Variants in NRG2 observed in about 807,000 individuals in gnomAD.
NRG2 encodes pro-neuregulin-2, membrane-bound isoform.
In NRG2, 27 loss-of-function variants were observed where a neutral mutation model predicts 73.9. The observed-to-expected ratio is 0.37, with a 90% CI of 0.27 to 0.50. The LOEUF is 0.50. NRG2 is among the 20% of genes least tolerant of loss of function. The pLI is 0.96. For missense variants in NRG2, 1,126 were observed against 1,210.1 expected (o/e 0.93, Z 1.03); for synonymous variants, 532 against 541.0 (o/e 0.98, Z 0.23).
chr5:139,872,606 C>T (rs1472277599), intron 3 of NRG2, among the ~76,000 whole-genome samples: 8 of 152,208 alleles, frequency 5.3e-5, no homozygotes, highest in African/African-American at 1.4e-4. Context: ...CCATAAATCA[C>T]GGGTTTCAAG....
At chr5:140,041,807 A>G (rs1761942130) in intron 1 of NRG2, among the ~76,000 whole-genome samples, 1 of 151,940 alleles carries the variant, frequency 6.6e-6, no homozygotes, top group African/African-American at 2.4e-5. Context: ...AAAAAGTCCA[A>G]CTCTGCCTGC....
At chr5:139,938,915 AAG>A (rs1217845718) in intron 1 of NRG2, among the ~76,000 whole-genome samples, 3 of 125,184 alleles carry the variant, frequency 2.4e-5, no homozygotes, top group Non-Finnish European at 5.1e-5. Context: ...AAAAGAAAGA[AAG>A]AAAGAAAGAA....
intron 1 of NRG2, among the ~76,000 whole-genome samples, chr5:139,899,182 G>A (rs911157821): frequency 1.3e-5 from 2 of 152,198 alleles, no homozygotes; most frequent in Non-Finnish European, 2.9e-5. Flanking sequence ...GAACTGACAG[G>A]CCCTCTACAG....
Position 139,907,901 on chromosome 5 carries a change from G to A in NRG2, c.701-20390C>T, listed in dbSNP as rs115913031. Among the ~76,000 whole-genome samples, 737 of 152,316 alleles carry A rather than the reference G, an allele frequency of 4.8e-3. 6 individuals are homozygous for A. Among genetic ancestry groups the A allele is most frequent in the African/African-American group, 0.017 (692 of 41,560 alleles). On this transcript the variant is annotated intron_variant, in intron 1 of 9. Coordinates refer to ENST00000361474, the MANE Select transcript of NRG2 (RefSeq NM_004883.3). ...AACTATGGGAGCTGCAAATACACAC[G>A]GAAAACACTTACGGGACACGTACTA...
intron 1 of NRG2, among the ~76,000 whole-genome samples, chr5:139,986,885 G>A (rs141346046): frequency 2.0e-5 from 3 of 152,120 alleles, no homozygotes; most frequent in East Asian, 1.9e-4. Flanking sequence ...CATAAACTTC[G>A]GTAATTAATT....
At chr5:139,999,306 G>C (rs931261740) in intron 1 of NRG2, among the ~76,000 whole-genome samples, 1 of 152,158 alleles carries the variant, frequency 6.6e-6, no homozygotes, top group Non-Finnish European at 1.5e-5. Flanking sequence ...CCCAATTCTT[G>C]TATTAGATTC....
Position 139,852,813 on chromosome 5 carries a change from T to C in NRG2, c.1416+91A>G. On this transcript the variant is annotated intron_variant, in intron 7 of 9. Transcript: ENST00000361474. This position sits in a 1 kb window ranked among gnomAD's most constrained non-coding sequence, Gnocchi z 4.4. The stretch of plus-strand genomic sequence containing the variant: ...AGGCAAGGCTGGCCATGGGATAGGC[T>C]GGCTGCTGCCCTGGCCCATCCTTGC... 1 of 1,576,226 alleles carries C rather than the reference T, an allele frequency of 6.3e-7. No individual in the cohort carries two copies.
chr5:139,858,207 C>T (rs568768314), intron 5 of NRG2, among the ~76,000 whole-genome samples: 13 of 152,178 alleles, frequency 8.5e-5, no homozygotes, highest in Non-Finnish European at 1.5e-4. Context: ...CCTCTCCCTG[C>T]GTTCACTGTG....
intron 1 of NRG2, among the ~76,000 whole-genome samples, chr5:139,895,658 T>C (rs748792060): frequency 4.6e-5 from 7 of 152,186 alleles, no homozygotes; most frequent in African/African-American, 7.2e-5. Context: ...TGGGCCTCAG[T>C]TGACTCATTT....
intron 9 of NRG2, among the ~76,000 whole-genome samples, chr5:139,849,997 C>T (rs368522253): frequency 3.5e-4 from 53 of 152,334 alleles, no homozygotes; most frequent in Admixed American, 2.1e-3. Context: ...CCCTACAGCC[C>T]ACTCTGTTCC....
At chr5:139,872,530 C>T (rs1762931426) in intron 3 of NRG2, among the ~76,000 whole-genome samples, 1 of 152,144 alleles carries the variant, frequency 6.6e-6, no homozygotes, top group Non-Finnish European at 1.5e-5. Context: ...CCCAGACAGC[C>T]CCCTCCTCCC....
chr5:139,867,806 G>GTA lies in NRG2; in HGVS notation c.1113-2182_1113-2181insTA, dbSNP rs1304683155. Among the ~76,000 whole-genome samples, 148 of 131,892 alleles carry GTA rather than the reference G, an allele frequency of 1.1e-3. 1 individual carries two copies. Among genetic ancestry groups the GTA allele is most frequent in the African/African-American group, 4.0e-3 (140 of 35,272 alleles). 86.5% of individuals were successfully genotyped at this position (131,892 alleles called of 152,430 possible). ...TGTGTGTGTGTGTGTGTATGAGTGT[G>GTA]TGTGTGTGTGTGTGTGTGTGTGTGT... is the stretch of plus-strand genomic sequence containing the variant. On this transcript the variant is annotated intron_variant, in intron 4 of 9. Coordinates refer to ENST00000361474, the MANE Select transcript of NRG2 (RefSeq NM_004883.3).
chr5:139,881,806 A>AG (rs900550111), intron 2 of NRG2, among the ~76,000 whole-genome samples: 1 of 152,232 alleles, frequency 6.6e-6, no homozygotes, highest in African/African-American at 2.4e-5. Context: ...CTTTGCACCT[A>AG]GTCCCTGCAT....
chr5:139,954,331 G>A lies in NRG2; in HGVS notation c.701-66820C>T, dbSNP rs957466189. On this transcript the variant is annotated intron_variant, in intron 1 of 9. Transcript: ENST00000361474. This position sits in a 1 kb window ranked among gnomAD's most constrained non-coding sequence, Gnocchi z 5.0. The stretch of plus-strand genomic sequence containing the variant: ...CTGTCTAGCCCCAGGTCCCAAGGTC[G>A]CCCATGTCAGCACCTATAGTGGACA... Among the ~76,000 whole-genome samples the A allele has an allele frequency of 6.6e-5, 10 of 152,112 alleles. No homozygotes were observed. The highest frequency in any genetic ancestry group is 2.1e-4 in the South Asian group (1 of 4,828).
intron 1 of NRG2, among the ~76,000 whole-genome samples, chr5:140,014,564 C>G (rs2126651869): frequency 6.6e-6 from 1 of 152,164 alleles, no homozygotes; most frequent in South Asian, 2.1e-4. Flanking sequence ...TCCTCCTTTT[C>G]TGTCTCACTC....
rs1440911990 is a variant in NRG2, at chr5:140,008,362, C to T, written c.700+34008G>A. ...GGATAGCTGACCACACAACTGTTTG[C>T]TGCATTTATTCAACAAATATTTATT... On this transcript the variant is annotated intron_variant, in intron 1 of 9. Coordinates refer to ENST00000361474, the MANE Select transcript of NRG2 (RefSeq NM_004883.3). This position sits in a 1 kb window ranked among gnomAD's most constrained non-coding sequence, Gnocchi z 4.2. Among the ~76,000 whole-genome samples, 1 of 152,178 alleles carries T rather than the reference C, an allele frequency of 6.6e-6. No individual in the cohort carries two copies. The highest frequency in any genetic ancestry group is 1.5e-5 in the Non-Finnish European group (1 of 68,038).
Position 139,904,167 on chromosome 5 carries a change from G to A in NRG2, c.701-16656C>T. On this transcript the variant is annotated intron_variant, in intron 1 of 9. Transcript: ENST00000361474. The surrounding 1 kb of genome is among the most constrained non-coding windows in gnomAD (Gnocchi z 6.0). ...GGCCGCGACGACCCGCTCGCACGCAGGCACGCGCGCCCTCGGTGCCTGTCA... is the reference window on the plus strand; with the variant it reads ...GGCCGCGACGACCCGCTCGCACGCAAGCACGCGCGCCCTCGGTGCCTGTCA... 1 of 805,334 alleles carries A rather than the reference G, an allele frequency of 1.2e-6. No individual in the cohort carries two copies. The highest frequency in any genetic ancestry group is 3.4e-5 in the East Asian group (1 of 29,360). 49.9% of individuals were successfully genotyped at this position (805,334 alleles called of 1,614,324 possible).
At chr5:139,987,926 C>T (rs976129685) in intron 1 of NRG2, among the ~76,000 whole-genome samples, 11 of 152,130 alleles carry the variant, frequency 7.2e-5, no homozygotes, top group African/African-American at 1.7e-4. Context: ...AGGCGCACAC[C>T]GCCATGCCTG....
rs1764444841 is a variant in NRG2, at chr5:139,894,650, A to G, written c.701-7139T>C. 2.0e-5 allele frequency among the ~76,000 whole-genome samples: 3 copies of G among 152,090 alleles called. No homozygotes were observed. On this transcript the variant is annotated intron_variant, in intron 1 of 9. Transcript: ENST00000361474. The surrounding 1 kb of genome is among the most constrained non-coding windows in gnomAD (Gnocchi z 5.0). ...CACATTTCCTCAGTCACCTAAGCCC[A>G]GCCCAATGCCTGGGCTTGCTTTGCC...
Sources: allele counts gnomAD v4.1 joint callset (sites outside exome capture counted in the v4.1 genomes callset), GRCh38; gene constraint gnomAD v4.1.1; non-coding constraint Gnocchi (gnomAD v3.1); transcripts MANE v1.5; gene names NCBI Gene and HGNC (gene_info 2026-07-23, HGNC 2026-07-21).